The following PLPP1 variants were observed in gnomAD, a reference collection of about 807,000 sequenced individuals.
PLPP1 encodes phospholipid phosphatase 1, also known as lipid phosphate phosphohydrolase 1a.
Under a neutral mutation model 31.2 loss-of-function variants are expected in PLPP1, and 24 were observed. The ratio of observed to expected loss-of-function variants is 0.77; its 90% CI spans 0.56 to 1.08. The LOEUF is 1.08. Among genes scored for constraint, PLPP1 ranks in the 50% least tolerant of loss-of-function variants. The pLI, the probability that PLPP1 is intolerant of heterozygous loss-of-function variation, is 0.00. For missense variants in PLPP1, 319 were observed against 342.7 expected (o/e 0.93, Z 0.55); for synonymous variants, 146 against 126.3 (o/e 1.16, Z -1.05).
chr5:55,453,986 G>A (rs542628935), intron 3 of PLPP1, among the ~76,000 whole-genome samples: 4 of 152,098 alleles, frequency 2.6e-5, no homozygotes, highest in Non-Finnish European at 4.4e-5. Flanking sequence ...CAAAACAAAC[G>A]TAAGCAGCAC....
In PLPP1 at chr5:55,425,023, G is replaced by A. The variant is rs1751133694; in HGVS notation, c.*183C>T. On this transcript the variant is annotated 3_prime_UTR_variant, in exon 6 of 6. Transcript: ENST00000307259. ...TTGGAGTTTTTTTAATGAGTTTAGA[G>A]CTATTAGATAACCACTGAGTTAAAG... is the stretch of plus-strand genomic sequence containing the variant. The A allele has an allele frequency of 1.9e-5, 16 of 828,396 alleles. No homozygotes were observed. The South Asian group carries it at 2.6e-4, about 13-fold the overall frequency. 51.3% of individuals were successfully genotyped at this position (828,396 alleles called of 1,614,324 possible).
chr5:55,466,872 A>G (rs1752309553), intron 3 of PLPP1, among the ~76,000 whole-genome samples: 2 of 152,246 alleles, frequency 1.3e-5, no homozygotes, highest in East Asian at 3.8e-4. Flanking sequence ...GAACAACTAA[A>G]GGAAATTAAA....
chr5:55,434,811 A>G (rs1751455096), intron 4 of PLPP1, among the ~76,000 whole-genome samples: 1 of 152,212 alleles, frequency 6.6e-6, no homozygotes, highest in African/African-American at 2.4e-5. Context: ...CTAATCAAAG[A>G]AAACATAGGG....
intron 1 of PLPP1, among the ~76,000 whole-genome samples, chr5:55,523,560 G>C (rs1406681042): frequency 1.3e-5 from 2 of 152,148 alleles, no homozygotes; most frequent in African/African-American, 4.8e-5. Flanking sequence ...GCTCCTAAGA[G>C]AGTTGTCGAG....
intron 3 of PLPP1, among the ~76,000 whole-genome samples, chr5:55,443,192 A>AAAAAAATATATAT: frequency 5.9e-4 from 15 of 25,434 alleles, no homozygotes; most frequent in African/African-American, 7.5e-4. Flanking sequence ...AAAAAAAAAA[A>AAAAAAATATATAT]ATATATATAT....
chr5:55,504,766 C>A (rs1753234963), intron 1 of PLPP1, among the ~76,000 whole-genome samples: 1 of 151,476 alleles, frequency 6.6e-6, no homozygotes. Flanking sequence ...CTGGAATTAA[C>A]ACTTGATATT....
At chr5:55,494,365 G>C (rs1243295702) in intron 1 of PLPP1, among the ~76,000 whole-genome samples, 1 of 152,170 alleles carries the variant, frequency 6.6e-6, no homozygotes, top group Admixed American at 6.5e-5. Flanking sequence ...AGGCAGACCT[G>C]AAGATGGCAC....
intron 2 of PLPP1, among the ~76,000 whole-genome samples, chr5:55,474,152 A>C (rs1395230850): frequency 1.3e-5 from 2 of 151,792 alleles, no homozygotes; most frequent in East Asian, 3.9e-4. Flanking sequence ...GTGTGCCACC[A>C]CACCCAGCTA....
intron 1 of PLPP1, among the ~76,000 whole-genome samples, chr5:55,481,987 CAT>C (rs1169756363): frequency 1.3e-5 from 2 of 148,950 alleles, no homozygotes; most frequent in Non-Finnish European, 3.0e-5. Context: ...GAGGGAAATA[CAT>C]ATATATATTT....
At chr5:55,498,535 G>A (rs72753790) in intron 1 of PLPP1, among the ~76,000 whole-genome samples, 8,105 of 152,050 alleles carry the variant, frequency 0.053, 237 homozygotes, top group Middle Eastern at 0.075. Flanking sequence ...CTTGCTTACA[G>A]TAAGCATTTC....
chr5:55,425,460 A>G (rs1751157330), intron 5 of PLPP1, 126 bp from the exon 6 acceptor site: 2 of 874,300 alleles, frequency 2.3e-6, no homozygotes, highest in African/African-American at 1.8e-5. Flanking sequence ...CAGATTAAGC[A>G]TATAAAAAAT....
chr5:55,450,937 A>T (rs1266949905), intron 3 of PLPP1, among the ~76,000 whole-genome samples: 3 of 152,216 alleles, frequency 2.0e-5, no homozygotes, highest in Admixed American at 6.5e-5. Flanking sequence ...CACTTTCTAA[A>T]GTACGCATTG....
rs932015048 is a variant in PLPP1, at chr5:55,534,705, C to T, written c.-76G>A. On this transcript the variant is annotated 5_prime_UTR_variant, in exon 1 of 6. Coordinates refer to ENST00000307259, the MANE Select transcript of PLPP1 (RefSeq NM_003711.4). ...GCGGCCGAGGCCCTTGATTCTCGAG[C>T]CCGGGCCGGGGCTGGCGACGGCCCC... The T allele has an allele frequency of 5.4e-5, 78 of 1,445,880 alleles. No homozygotes were observed. In the African/African-American group the frequency reaches 1.1e-3, roughly 20 times the overall value. The allele number at this position is 1,445,880 out of a possible 1,614,324, so 89.6% of individuals were successfully genotyped here. A position where few individuals can be genotyped will look rare whatever the true frequency, so the allele number is the denominator to read the frequency against.
intron 3 of PLPP1, among the ~76,000 whole-genome samples, chr5:55,450,383 C>G (rs1751865975): frequency 6.6e-6 from 1 of 152,098 alleles, no homozygotes; most frequent in African/African-American, 2.4e-5. Flanking sequence ...GTATTTAGAA[C>G]TTGTTATCAT....
intron 1 of PLPP1, among the ~76,000 whole-genome samples, chr5:55,493,768 T>C (rs997271923): frequency 6.6e-6 from 1 of 151,346 alleles, no homozygotes; most frequent in East Asian, 2.0e-4. Context: ...TAGTCCCAAC[T>C]ACTTGGAAGG....
rs1451067932 is a variant in PLPP1 at position 55,427,220 on chromosome 5, T to C, written c.550-1181A>G. Among the ~76,000 whole-genome samples the C allele has an allele frequency of 3.3e-5, 5 of 152,290 alleles. No homozygotes were observed. The East Asian group carries it at 7.7e-4, about 23-fold the overall frequency. ...TAAATGCAGTCCTTAGAAAACAATA[T>C]ACATAGCTCTCCCCATGGACACTGC... On this transcript the variant is annotated intron_variant, in intron 4 of 5. Coordinates refer to ENST00000307259, the MANE Select transcript of PLPP1 (RefSeq NM_003711.4).
chr5:55,490,617 C>G (rs746733582), intron 1 of PLPP1, among the ~76,000 whole-genome samples: 1 of 152,144 alleles, frequency 6.6e-6, no homozygotes, highest in Non-Finnish European at 1.5e-5. Context: ...AGTTTCAGCT[C>G]TGCCGTACGA....
In PLPP1 at chr5:55,521,162, G is replaced by C. The variant is rs575250778; in HGVS notation, c.58+13410C>G. Among the ~76,000 whole-genome samples the C allele has an allele frequency of 2.6e-5, 4 of 152,158 alleles. No individual in the cohort carries two copies. In the East Asian group the frequency reaches 7.7e-4, roughly 29 times the overall value. ...GAGGTCAGGAGTTCGAGACCAGTCT[G>C]GCCAACATGGTGAAACTCTGTCTCT... is the stretch of plus-strand genomic sequence containing the variant. On this transcript the variant is annotated intron_variant, in intron 1 of 5. Coordinates refer to ENST00000307259, the MANE Select transcript of PLPP1 (RefSeq NM_003711.4).
intron 1 of PLPP1, among the ~76,000 whole-genome samples, chr5:55,532,778 GA>G (rs759226015): frequency 4.6e-5 from 7 of 152,082 alleles, no homozygotes; most frequent in Non-Finnish European, 8.8e-5. Context: ...CCAAGACGGT[GA>G]AACCCCGTCT....
Sources: allele counts gnomAD v4.1 joint callset (sites outside exome capture counted in the v4.1 genomes callset), GRCh38; gene constraint gnomAD v4.1.1; transcripts MANE v1.5; gene names NCBI Gene and HGNC (gene_info 2026-07-23, HGNC 2026-07-21).